Variants in JAK1 observed in about 807,000 individuals in gnomAD.
The protein encoded by JAK1 is tyrosine-protein kinase JAK1.
In JAK1, 16 loss-of-function variants were observed where a neutral mutation model predicts 136.6. The observed-to-expected ratio is 0.12, with a 90% CI of 0.08 to 0.18. JAK1 has a LOEUF of 0.18. Among genes scored for constraint, JAK1 ranks in the 10% least tolerant of loss-of-function variants. The probability of loss-of-function intolerance (pLI) is 1.00; values close to 1 mark genes in which losing one functional copy is unlikely to be tolerated. For missense variants in JAK1, 859 were observed against 1,450.1 expected (o/e 0.59, Z 6.62); for synonymous variants, 492 against 519.5 (o/e 0.95, Z 0.72).
At chr1:65,064,996 C>A (rs1487876837) in intron 1 of JAK1, among the ~76,000 whole-genome samples, 1 of 152,182 alleles carries the variant, frequency 6.6e-6, no homozygotes, top group Non-Finnish European at 1.5e-5. Context: ...ATCCCCCAAC[C>A]CTCCCTCAAA....
At chr1:65,062,457 C>CTCA (rs2100893692) in intron 1 of JAK1, among the ~76,000 whole-genome samples, 1 of 152,308 alleles carries the variant, frequency 6.6e-6, no homozygotes, top group South Asian at 2.1e-4. Flanking sequence ...AATGCTGGGT[C>CTCA]TCAGATTTTC....
Position 64,984,975 on chromosome 1 carries a change from A to G in JAK1, c.-78+59505T>C, listed in dbSNP as rs1463972413. ...GTCTGGCCCAATTTCAAAGAAGACC[A>G]CAAAGACCAAGATAGCCCCAATACA... is the stretch of plus-strand genomic sequence containing the variant. On this transcript the variant is annotated intron_variant, in intron 2 of 25. Transcript: ENST00000671954. The surrounding 1 kb of genome is among the most constrained non-coding windows in gnomAD (Gnocchi z 4.1). The G allele has an allele frequency of 5.3e-6, 5 of 936,256 alleles. No individual in the cohort carries two copies. Among genetic ancestry groups the G allele is most frequent in the Non-Finnish European group, 3.5e-6 (2 of 566,064 alleles). The allele number at this position is 936,256 out of a possible 1,614,324, so 58.0% of individuals were successfully genotyped here. A position where few individuals can be genotyped will look rare whatever the true frequency, so the allele number is the denominator to read the frequency against.
chr1:64,945,593 AAG>A, intron 1 of JAK1, among the ~76,000 whole-genome samples: 1 of 152,336 alleles, frequency 6.6e-6, no homozygotes, highest in Non-Finnish European at 1.5e-5. Context: ...CAATAAAAAA[AAG>A]AATACGAATA....
intron 2 of JAK1, among the ~76,000 whole-genome samples, chr1:64,977,005 T>G (rs1214999636): frequency 6.6e-6 from 1 of 152,194 alleles, no homozygotes; most frequent in Admixed American, 6.5e-5. Context: ...TACCTGATTG[T>G]ATTTCTCCCT....
chr1:64,981,304 G>T (rs557060003), intron 2 of JAK1, among the ~76,000 whole-genome samples: 1 of 152,194 alleles, frequency 6.6e-6, no homozygotes, highest in Non-Finnish European at 1.5e-5. Context: ...CCTTGGAAAC[G>T]TGTCTTTTAA....
Position 64,984,717 on chromosome 1 carries a change from T to C in JAK1, c.-78+59763A>G, listed in dbSNP as rs1646581551. 1 of 761,708 alleles carries C rather than the reference T, an allele frequency of 1.3e-6. No individual in the cohort carries two copies. Among genetic ancestry groups the C allele is most frequent in the African/African-American group, 1.8e-5 (1 of 56,878 alleles). The allele number at this position is 761,708 out of a possible 1,614,324, so 47.2% of individuals were successfully genotyped here. On this transcript the variant is annotated intron_variant, in intron 2 of 25. Coordinates refer to the JAK1 transcript ENST00000671954. This position sits in a 1 kb window ranked among gnomAD's most constrained non-coding sequence, Gnocchi z 4.1. ...CTGCCCCTCAAAGGCCTATGTGATA[T>C]CCTTGAAAGTCCTGTAACACATCTC... is the stretch of plus-strand genomic sequence containing the variant.
intron 2 of JAK1, among the ~76,000 whole-genome samples, chr1:65,015,515 T>C (rs1311432756): frequency 2.0e-5 from 3 of 152,002 alleles, no homozygotes; most frequent in African/African-American, 7.2e-5. Context: ...AAAAGAAGTA[T>C]ATAAAAGTGA....
chr1:64,834,503 G>A lies in JAK1; in HGVS notation c.*59C>T, dbSNP rs1654342155. 4 of 1,141,076 alleles carry A rather than the reference G, an allele frequency of 3.5e-6. No individual in the cohort carries two copies. Among genetic ancestry groups the A allele is most frequent in the Non-Finnish European group, 5.2e-6 (4 of 764,862 alleles). The allele number at this position is 1,141,076 out of a possible 1,614,324, so 70.7% of individuals were successfully genotyped here. A position where few individuals can be genotyped will look rare whatever the true frequency, so the allele number is the denominator to read the frequency against. ...TAGAAATTTTTAAAAAATGACTTGG[G>A]CATTTGTTGCAGGAGAAGGACTTGA... On this transcript the variant is annotated 3_prime_UTR_variant, in exon 25 of 25. Transcript: ENST00000342505.
At chr1:64,886,136 T>A in intron 2 of JAK1, 123 bp downstream of exon 2, 1 of 614,584 alleles carries the variant, frequency 1.6e-6, no homozygotes, top group East Asian at 2.9e-5. Flanking sequence ...AATGAATAAA[T>A]ACATCAATTT....
At chr1:64,859,568 G>A (rs1656161038) in intron 9 of JAK1, 1 of 152,220 alleles carries the variant, frequency 6.6e-6, no homozygotes, top group African/African-American at 2.4e-5. Flanking sequence ...TGGCACCTTG[G>A]GACAAGCTGA....
chr1:64,851,851 C>T (rs1208834592), intron 11 of JAK1, among the ~76,000 whole-genome samples: 1 of 152,124 alleles, frequency 6.6e-6, no homozygotes, highest in Non-Finnish European at 1.5e-5. Context: ...ATGCATTTCC[C>T]TTCACTTCCT....
chr1:65,025,803 G>C (rs569992231), intron 2 of JAK1, among the ~76,000 whole-genome samples: 8 of 151,976 alleles, frequency 5.3e-5, no homozygotes, highest in Admixed American at 2.0e-4. Flanking sequence ...TCAGCCTCCC[G>C]AGTAGCTGTG....
chr1:65,061,716 A>G (rs1294255303), intron 1 of JAK1, among the ~76,000 whole-genome samples: 3 of 152,210 alleles, frequency 2.0e-5, no homozygotes, highest in Admixed American at 1.3e-4. Context: ...AAGTTGCTCA[A>G]ATGTCCAATA....
In JAK1 at chr1:64,834,594, G is replaced by C. The variant is rs764530686; in HGVS notation, c.3433C>G (p.Leu1145Val). 1 of 1,611,386 alleles carries C rather than the reference G, an allele frequency of 6.2e-7. No individual in the cohort carries two copies. Residue 1145 changes from leucine (L) to valine (V), a missense_variant, in exon 25 of 25, where the codon CTT becomes GTT. Leu to Val is a conservative substitution (Grantham distance 32). Transcript: ENST00000342505. Reference protein sequence around the residue: ...QPSNRTSFQNLIEGFEALLK With the variant: ...QPSNRTSFQNVIEGFEALLK ...AAAAGTGCTTCAAATCCTTCAATAA[G>C]GTTCTGAAAGCTTGTCCGATTGGAT...
chr1:64,993,878 C>T (rs953636538), intron 2 of JAK1, among the ~76,000 whole-genome samples: 1 of 152,102 alleles, frequency 6.6e-6, no homozygotes, highest in African/African-American at 2.4e-5. Flanking sequence ...AACTCCTGGC[C>T]TCAGGTGATC....
At chr1:65,053,933 C>T (rs1031900487) in intron 1 of JAK1, among the ~76,000 whole-genome samples, 1 of 152,158 alleles carries the variant, frequency 6.6e-6, no homozygotes, top group Non-Finnish European at 1.5e-5. Context: ...ATTAGCGTGG[C>T]AGGCAAGAAC....
intron 1 of JAK1, among the ~76,000 whole-genome samples, chr1:64,897,788 T>C (rs1225807526): frequency 6.6e-6 from 1 of 151,816 alleles, no homozygotes; most frequent in Admixed American, 6.6e-5. Context: ...GTCCCCAGTA[T>C]GTGAAGGTGT....
At chr1:64,951,764 T>C (rs986312792) in intron 1 of JAK1, among the ~76,000 whole-genome samples, 2 of 145,706 alleles carry the variant, frequency 1.4e-5, no homozygotes, top group Admixed American at 7.0e-5. Context: ...GTTCACGCCA[T>C]TCTCCTGCCT....
chr1:64,840,105 G>T (rs114082970), intron 19 of JAK1, among the ~76,000 whole-genome samples: 35 of 152,312 alleles, frequency 2.3e-4, no homozygotes, highest in African/African-American at 8.2e-4. Flanking sequence ...GACAACTGCC[G>T]TTCTCTAAAA....
Sources: gnomAD v4.1 joint callset for allele counts (sites outside exome capture counted in the v4.1 genomes callset) on GRCh38, gnomAD v4.1.1 for gene constraint, Gnocchi (gnomAD v3.1) non-coding constraint, MANE v1.5 for transcripts, NCBI Gene and HGNC (gene_info 2026-07-23, HGNC 2026-07-21) for gene names.